Variants in SELENOF observed in about 807,000 individuals in gnomAD.
The protein encoded by SELENOF is selenoprotein F.
SELENOF carries 16 observed loss-of-function variants against 20.5 expected under a neutral mutation model. The observed-to-expected ratio is 0.78, with a 90% confidence interval of 0.53 to 1.19. The LOEUF (loss-of-function observed/expected upper bound fraction) is 1.19, where lower values mean the gene tolerates loss of function less well. SELENOF is among the 50% of genes most tolerant of loss of function. The pLI is 0.00. For missense variants in SELENOF, 215 were observed against 194.2 expected (o/e 1.11, Z -0.64); for synonymous variants, 78 against 74.5 (o/e 1.05, Z -0.24).
intron 2 of SELENOF, among the ~76,000 whole-genome samples, chr1:86,898,520 A>AT (rs1659584106): frequency 6.6e-6 from 1 of 151,660 alleles, no homozygotes; most frequent in African/African-American, 2.4e-5. Context: ...TCCTGGTAAC[A>AT]TTTTTTTATT....
intron 1 of SELENOF, among the ~76,000 whole-genome samples, chr1:86,910,326 T>C (rs1469549916): frequency 1.3e-5 from 2 of 152,162 alleles, no homozygotes; most frequent in Non-Finnish European, 1.5e-5. Context: ...GATCACCCAG[T>C]AGTTTTATTT....
At position 86,906,705 on chromosome 1, in the gene SELENOF, G is replaced by A. The variant is rs144019480; in HGVS notation, c.85-3257C>T. Among the ~76,000 whole-genome samples, 23 of 152,338 alleles carry A rather than the reference G, an allele frequency of 1.5e-4. No individual in the cohort carries two copies. In the East Asian group the frequency reaches 3.1e-3, roughly 20 times the overall value. ...ACAACCAGTATCAGCTACTAGACATGTGAGTAAACCACCTTCAGATTTCAG... is the reference window on the plus strand; with the variant it reads ...ACAACCAGTATCAGCTACTAGACATATGAGTAAACCACCTTCAGATTTCAG... On this transcript the variant is annotated intron_variant, in intron 1 of 4. Coordinates refer to ENST00000331835, the MANE Select transcript of SELENOF (RefSeq NM_004261.5).
chr1:86,880,133 G>A (rs928669694), intron 3 of SELENOF, among the ~76,000 whole-genome samples: 1 of 151,446 alleles, frequency 6.6e-6, no homozygotes. Context: ...TTTTAAATCT[G>A]AATTTCTTTT....
chr1:86,876,490 G>C (rs532853566), intron 3 of SELENOF, among the ~76,000 whole-genome samples: 1 of 152,268 alleles, frequency 6.6e-6, no homozygotes, highest in South Asian at 2.1e-4. Flanking sequence ...TGTATTTTAA[G>C]AAGATCTCCA....
At chr1:86,906,915 A>G in intron 1 of SELENOF, among the ~76,000 whole-genome samples, 1 of 152,252 alleles carries the variant, frequency 6.6e-6, no homozygotes, top group East Asian at 1.9e-4. Context: ...GAGTGAAATC[A>G]CTTTGGAAAC....
chr1:86,866,380 A>G (rs970137356), intron 4 of SELENOF, among the ~76,000 whole-genome samples: 3 of 150,660 alleles, frequency 2.0e-5, no homozygotes, highest in African/African-American at 7.3e-5. Context: ...GATTCCACTC[A>G]TAGTAAGTAT....
At chr1:86,889,061 A>G (rs1056699318) in intron 2 of SELENOF, among the ~76,000 whole-genome samples, 34 of 152,222 alleles carry the variant, frequency 2.2e-4, no homozygotes, top group Non-Finnish European at 2.9e-5. Context: ...TGAACTTTAA[A>G]AAGATACAAA....
chr1:86,904,223 G>C (rs370546470), intron 1 of SELENOF, among the ~76,000 whole-genome samples: 1 of 152,130 alleles, frequency 6.6e-6, no homozygotes, highest in African/African-American at 2.4e-5. Context: ...GCAAGAGCAC[G>C]CCAGAATTCA....
intron 2 of SELENOF, among the ~76,000 whole-genome samples, chr1:86,894,170 GTTTT>G (rs36023452): frequency 7.5e-6 from 1 of 132,628 alleles, no homozygotes; most frequent in African/African-American, 2.8e-5. Context: ...CAACCTGGAG[GTTTT>G]TTTTTTTTTT....
chr1:86,880,644 G>A lies in SELENOF; in HGVS notation c.316+18C>T, dbSNP rs1222725051. 1 of 1,465,178 alleles carries A rather than the reference G, an allele frequency of 6.8e-7. No individual in the cohort carries two copies. The highest frequency in any genetic ancestry group is 2.4e-5 in the East Asian group (1 of 42,418). 90.8% of individuals were successfully genotyped at this position (1,465,178 alleles called of 1,614,324 possible). On this transcript the variant is annotated intron_variant, in intron 3 of 4. Coordinates refer to ENST00000331835, the MANE Select transcript of SELENOF (RefSeq NM_004261.5). Reference sequence around the variant, plus strand: ...ATTTTAAATGACTGAACAGTTTACTGGAGTAAATTTTATATACCTTGGACT... The same window carrying A: ...ATTTTAAATGACTGAACAGTTTACTAGAGTAAATTTTATATACCTTGGACT...
In SELENOF at chr1:86,867,053, G is replaced by T. The variant is rs78835937; in HGVS notation, c.366+1000C>A. Among the ~76,000 whole-genome samples the T allele has an allele frequency of 3.9e-3, 596 of 152,264 alleles. 3 individuals carry two copies. Among genetic ancestry groups the T allele is most frequent in the African/African-American group, 0.014 (578 of 41,548 alleles). ...ATTGCCCCAAATTGGAAGCAATCAA[G>T]ATGTCCTTCCACAGGTGAATGACAA... On this transcript the variant is annotated intron_variant, in intron 4 of 4. Transcript: ENST00000331835.
chr1:86,869,204 TGTAC>T lies in SELENOF; in HGVS notation c.317-1106_317-1103del, dbSNP rs539668588. ...GCAAAATCAACCAAGAGTCTTAAAA[TGTAC>T]GTACTTTGTAAACCTGCAAGTACAC... On this transcript the variant is annotated intron_variant, in intron 3 of 4. Coordinates refer to ENST00000331835, the MANE Select transcript of SELENOF (RefSeq NM_004261.5). 1.2e-3 allele frequency among the ~76,000 whole-genome samples: 177 copies of T among 152,308 alleles called. 1 individual carries two copies. The highest frequency in any genetic ancestry group is 4.1e-3 in the African/African-American group (171 of 41,576).
chr1:86,895,956 G>A (rs560049), intron 2 of SELENOF, among the ~76,000 whole-genome samples: 17,642 of 152,158 alleles, frequency 0.12, 1,643 homozygotes, highest in African/African-American at 0.25. Flanking sequence ...GGCCAGGCGC[G>A]GTGGCTCACG....
intron 1 of SELENOF, among the ~76,000 whole-genome samples, chr1:86,911,234 T>C (rs968481613): frequency 6.6e-6 from 1 of 152,200 alleles, no homozygotes; most frequent in Non-Finnish European, 1.5e-5. Flanking sequence ...ATTTCTCTAC[T>C]AAGAACAGAA....
chr1:86,867,347 G>A (rs1259489841), intron 4 of SELENOF, among the ~76,000 whole-genome samples: 1 of 151,976 alleles, frequency 6.6e-6, no homozygotes, highest in Non-Finnish European at 1.5e-5. Flanking sequence ...AAAAAAACTA[G>A]CTGGGCATGG....
chr1:86,880,633 A>C, intron 3 of SELENOF, 29 bp downstream of exon 3: 2 of 1,318,152 alleles, frequency 1.5e-6, no homozygotes, highest in Non-Finnish European at 2.1e-6. Flanking sequence ...TAAATGACTG[A>C]ACAGTTTACT....
chr1:86,906,333 A>AT (rs1455460320), intron 1 of SELENOF, among the ~76,000 whole-genome samples: 1 of 152,214 alleles, frequency 6.6e-6, no homozygotes, highest in Non-Finnish European at 1.5e-5. Context: ...CAATGAGCAG[A>AT]TTGTGTTTTC....
chr1:86,899,639 G>A (rs1659630025), intron 2 of SELENOF, among the ~76,000 whole-genome samples: 1 of 150,754 alleles, frequency 6.6e-6, no homozygotes, highest in African/African-American at 2.4e-5. Context: ...CTGGCGGGGG[G>A]CTGACCCCCC....
chr1:86,912,815 G>T (rs1340827047), intron 1 of SELENOF, among the ~76,000 whole-genome samples: 2 of 152,142 alleles, frequency 1.3e-5, no homozygotes, highest in African/African-American at 4.8e-5. Context: ...CTACTCCACT[G>T]ACCCAGAATT....
Sources: gnomAD v4.1 joint callset for allele counts (sites outside exome capture counted in the v4.1 genomes callset) on GRCh38, gnomAD v4.1.1 for gene constraint, MANE v1.5 for transcripts, NCBI Gene and HGNC (gene_info 2026-07-23, HGNC 2026-07-21) for gene names.